CREB3L2: variants seen among roughly 807,000 people sequenced by gnomAD.
CREB3L2 encodes the protein cyclic AMP-responsive element-binding protein 3-like protein 2.
In CREB3L2, 23 loss-of-function variants were observed where a neutral mutation model predicts 57.2. The ratio of observed to expected loss-of-function variants is 0.40; its 90% CI spans 0.29 to 0.57. The LOEUF (loss-of-function observed/expected upper bound fraction) is 0.57, where lower values mean the gene tolerates loss of function less well. CREB3L2 is among the 20% of genes least tolerant of loss of function. The pLI, the probability that CREB3L2 is intolerant of heterozygous loss-of-function variation, is 0.42. For missense variants in CREB3L2, 628 were observed against 634.7 expected, an observed-to-expected ratio of 0.99 and a Z score of 0.11; for synonymous variants, 268 against 265.1, an observed-to-expected ratio of 1.01 and a Z score of -0.11.
intron 1 of CREB3L2, chr7:137,957,641 A>G (rs897482796): frequency 1.8e-6 from 1 of 546,372 alleles, no homozygotes; most frequent in African/African-American, 2.0e-5. Context: ...GAAGATGGAT[A>G]TTTTTTCTTC....
intron 1 of CREB3L2, among the ~76,000 whole-genome samples, chr7:137,936,825 C>T (rs1800794119): frequency 6.6e-6 from 1 of 152,226 alleles, no homozygotes; most frequent in South Asian, 2.1e-4. Flanking sequence ...CTCTACTACC[C>T]TATCATTTTC....
chr7:137,964,597 G>C (rs1020967713), intron 1 of CREB3L2, among the ~76,000 whole-genome samples: 3 of 152,314 alleles, frequency 2.0e-5, no homozygotes, highest in Non-Finnish European at 4.4e-5. Context: ...CACAAAGATG[G>C]GGAGGGAACA....
At chr7:137,889,125 C>T (rs1230696269) in intron 8 of CREB3L2, among the ~76,000 whole-genome samples, 1 of 152,164 alleles carries the variant, frequency 6.6e-6, no homozygotes, top group Admixed American at 6.5e-5. Flanking sequence ...AATCAGTCCT[C>T]CCTTCCAATT....
rs376931481 is a variant in CREB3L2, at chr7:137,915,898, G to T, written c.434C>A (p.Thr145Asn). ...PPGLVPSVTL[T>N]ITAISTPLEK... is the part of the protein sequence containing the mutation. ...CAACGGGGTGGAGATGGCTGTGATG[G>T]TCAGAGTGACAGACGGAACGAGTCC... The change falls in exon 3 of 12, where the codon ACC (threonine) becomes AAC (asparagine). Residue 145 changes from threonine to asparagine, a missense_variant. By Grantham distance (65) the Thr-to-Asn change is moderately conservative. This residue lies in a region of CREB3L2 where 339 missense variants were observed against 355.4 expected (regional missense o/e 0.95). Coordinates refer to ENST00000330387, the MANE Select transcript of CREB3L2 (RefSeq NM_194071.4). 9 of 1,614,066 alleles carry T rather than the reference G, an allele frequency of 5.6e-6. No homozygotes were observed. The African/African-American group carries it at 1.2e-4, about 22-fold the overall frequency.
At chr7:137,973,654 G>A (rs996561455) in intron 1 of CREB3L2, among the ~76,000 whole-genome samples, 10 of 150,222 alleles carry the variant, frequency 6.7e-5, no homozygotes, top group Admixed American at 6.6e-5. Context: ...CTAATGCCAC[G>A]AGGCAAAAAA....
intron 8 of CREB3L2, among the ~76,000 whole-genome samples, chr7:137,892,386 C>T (rs2117186269): frequency 6.6e-6 from 1 of 151,782 alleles, no homozygotes; most frequent in African/African-American, 2.4e-5. Flanking sequence ...CACGGTAGCT[C>T]ATGCCTATAA....
chr7:137,892,347 T>TTA, intron 8 of CREB3L2, among the ~76,000 whole-genome samples: 1 of 133,466 alleles, frequency 7.5e-6, no homozygotes, highest in African/African-American at 2.7e-5. Context: ...TGCACACAAT[T>TTA]AAAAAAAAAA....
chr7:137,974,169 T>C (rs750534891), intron 1 of CREB3L2, among the ~76,000 whole-genome samples: 1 of 152,148 alleles, frequency 6.6e-6, no homozygotes, highest in Non-Finnish European at 1.5e-5. Context: ...GGTACTGAGG[T>C]ACAACGGTGA....
intron 1 of CREB3L2, among the ~76,000 whole-genome samples, chr7:137,948,466 A>G (rs1248828382): frequency 2.6e-5 from 4 of 152,232 alleles, no homozygotes; most frequent in Non-Finnish European, 4.4e-5. Context: ...CAAAGTTGGA[A>G]TAAAACAAAT....
chr7:137,949,261 A>G (rs907068124), intron 1 of CREB3L2, among the ~76,000 whole-genome samples: 2 of 152,252 alleles, frequency 1.3e-5, no homozygotes, highest in Non-Finnish European at 2.9e-5. Flanking sequence ...CGGACCCGTG[A>G]TGGGCAATCC....
At chr7:137,955,399 C>A in intron 1 of CREB3L2, 1 of 850,386 alleles carries the variant, frequency 1.2e-6, no homozygotes. Flanking sequence ...TTCAGCACGG[C>A]CACCTCACTC....
chr7:137,972,700 A>AC lies in CREB3L2; in HGVS notation c.102+28903_102+28904insG, dbSNP rs1448937519. The stretch of plus-strand genomic sequence containing the variant: ...CCGTCTCTACAAAAAAAAAAAAAAA[A>AC]AAAAAAAAAAAAATATATATATATA... On this transcript the variant is annotated intron_variant, in intron 1 of 11. Transcript: ENST00000330387. Among the ~76,000 whole-genome samples the AC allele has an allele frequency of 1.5e-3, 59 of 38,452 alleles. 1 individual carries two copies. Among genetic ancestry groups the AC allele is most frequent in the South Asian group, 5.5e-3 (6 of 1,092 alleles). The allele number at this position is 38,452 out of a possible 152,430, so 25.2% of individuals were successfully genotyped here.
intron 10 of CREB3L2, among the ~76,000 whole-genome samples, chr7:137,882,849 T>C (rs553641775): frequency 6.6e-5 from 10 of 152,128 alleles, no homozygotes; most frequent in East Asian, 5.8e-4. Context: ...GGAAGAACAA[T>C]AGAAAAGCAA....
chr7:137,986,514 C>T (rs1387042684), intron 1 of CREB3L2, among the ~76,000 whole-genome samples: 1 of 152,218 alleles, frequency 6.6e-6, no homozygotes, highest in Non-Finnish European at 1.5e-5. Flanking sequence ...TTTTCCATGA[C>T]TGCCATGACA....
At chr7:137,959,099 G>T (rs73729528) in intron 1 of CREB3L2, among the ~76,000 whole-genome samples, 138 of 152,314 alleles carry the variant, frequency 9.1e-4, no homozygotes, top group African/African-American at 3.3e-3. Flanking sequence ...GGACTGTAGA[G>T]TCCCCACCTA....
At chr7:137,922,243 T>C (rs2117228892) in intron 2 of CREB3L2, among the ~76,000 whole-genome samples, 1 of 151,392 alleles carries the variant, frequency 6.6e-6, no homozygotes, top group East Asian at 1.9e-4. Flanking sequence ...AAAGTCATCT[T>C]TGGAGAAAGG....
chr7:137,935,145 T>C (rs192406717), intron 1 of CREB3L2, among the ~76,000 whole-genome samples: 106 of 152,342 alleles, frequency 7.0e-4, no homozygotes, highest in Non-Finnish European at 1.3e-3. Flanking sequence ...CCTTGGTTTA[T>C]GAGGTTAACA....
At chr7:137,937,948 A>G (rs1800819452) in intron 1 of CREB3L2, among the ~76,000 whole-genome samples, 1 of 152,050 alleles carries the variant, frequency 6.6e-6, no homozygotes, top group Admixed American at 6.5e-5. Context: ...TTGAGAGATG[A>G]TATTTAAAGG....
intron 1 of CREB3L2, among the ~76,000 whole-genome samples, chr7:137,954,371 T>C (rs1301378245): frequency 6.6e-6 from 1 of 152,224 alleles, no homozygotes; most frequent in Non-Finnish European, 1.5e-5. Context: ...AGCAGATAGC[T>C]ACCCAGAAGT....
Sources: allele counts gnomAD v4.1 joint callset (sites outside exome capture counted in the v4.1 genomes callset), GRCh38; gene constraint gnomAD v4.1.1; regional missense constraint gnomAD v4.1.1; transcripts MANE v1.5; gene names NCBI Gene and HGNC (gene_info 2026-07-23, HGNC 2026-07-21).